The following AGAP1 variants were observed in gnomAD, a reference collection of about 807,000 sequenced individuals.
AGAP1 encodes the protein ArfGAP with GTPase domain, ankyrin repeat and PH domain 1.
A neutral mutation model predicts 105.3 loss-of-function variants in AGAP1; 29 were observed. The ratio of observed to expected loss-of-function variants is 0.28; its 90% CI spans 0.21 to 0.38. AGAP1 has a LOEUF of 0.38. Among genes scored for constraint, AGAP1 ranks in the 10% least tolerant of loss-of-function variants. The probability of loss-of-function intolerance (pLI) is 1.00; values close to 1 mark genes in which losing one functional copy is unlikely to be tolerated. For missense variants in AGAP1, 998 were observed against 1,165.1 expected, an observed-to-expected ratio of 0.86 and a Z score of 2.09; for synonymous variants, 509 against 485.9, an observed-to-expected ratio of 1.05 and a Z score of -0.63.
At chr2:235,530,598 C>G (rs149696316) in intron 1 of AGAP1, among the ~76,000 whole-genome samples, 28 of 152,300 alleles carry the variant, frequency 1.8e-4, no homozygotes, top group African/African-American at 6.5e-4. Context: ...CCTCTGTCTT[C>G]AAAACCAGCT....
At chr2:235,917,565 T>G (rs1480917585) in intron 11 of AGAP1, among the ~76,000 whole-genome samples, 1 of 152,068 alleles carries the variant, frequency 6.6e-6, no homozygotes, top group East Asian at 1.9e-4. Context: ...CTCTCCGCCG[T>G]GACAGGGACC....
In AGAP1 at chr2:236,119,130, G is replaced by A. The variant is rs567957599; in HGVS notation, c.2115-1062G>A. Among the ~76,000 whole-genome samples, 7 of 152,040 alleles carry A rather than the reference G, an allele frequency of 4.6e-5. No individual in the cohort carries two copies. The highest frequency in any genetic ancestry group is 7.4e-5 in the Non-Finnish European group (5 of 68,010). On this transcript the variant is annotated intron_variant, in intron 16 of 17. Transcript: ENST00000304032. This position sits in a 1 kb window ranked among gnomAD's most constrained non-coding sequence, Gnocchi z 6.6. ...ACCATGTATTACACTGGCCAGGTCG[G>A]GCAGCCCCATCTCAGCCAGGTTGTG...
intron 16 of AGAP1, among the ~76,000 whole-genome samples, chr2:236,085,049 C>A (rs1402401858): frequency 1.3e-5 from 2 of 150,542 alleles, no homozygotes; most frequent in Admixed American, 6.6e-5. Context: ...CCTGTCTCTA[C>A]TAAAAATACA....
chr2:235,764,151 G>T (rs956165422), intron 6 of AGAP1, among the ~76,000 whole-genome samples: 2 of 152,242 alleles, frequency 1.3e-5, no homozygotes, highest in African/African-American at 4.8e-5. Context: ...TGGTTGGTAG[G>T]CGCTTTTATC....
chr2:235,691,632 G>A lies in AGAP1; in HGVS notation c.164-17547G>A, dbSNP rs949627760. ...CAAGTGCTGGACAGTGGACACCAGC[G>A]GGAGACTCAGTACAAATCATGTTGC... On this transcript the variant is annotated intron_variant, in intron 1 of 17. Coordinates refer to ENST00000304032, the MANE Select transcript of AGAP1 (RefSeq NM_001037131.3). This position sits in a 1 kb window ranked among gnomAD's most constrained non-coding sequence, Gnocchi z 4.4. Among the ~76,000 whole-genome samples, 6 of 152,184 alleles carry A rather than the reference G, an allele frequency of 3.9e-5. No individual in the cohort carries two copies. The highest frequency in any genetic ancestry group is 1.9e-4 in the East Asian group (1 of 5,194).
At chr2:235,670,775 C>T (rs1948363928) in intron 1 of AGAP1, 4 of 1,188,930 alleles carry the variant, frequency 3.4e-6, no homozygotes, top group South Asian at 1.4e-5. Flanking sequence ...GCTCTCGGAC[C>T]TGGAGCGTTG....
intron 1 of AGAP1, among the ~76,000 whole-genome samples, chr2:235,570,289 A>C (rs971780673): frequency 6.6e-6 from 1 of 152,196 alleles, no homozygotes; most frequent in African/African-American, 2.4e-5. Context: ...CCCTGCCTCC[A>C]TTAGGAAGCC....
In AGAP1 at chr2:235,979,980, A is replaced by G. The variant is rs1323998650; in HGVS notation, c.1645+11357A>G. ...GCAGTAAAATACAAAAAAAAGAGAG[A>G]TAGAGAAAGCAGGGGAGCTTGTGAA... is the stretch of plus-strand genomic sequence containing the variant. On this transcript the variant is annotated intron_variant, in intron 13 of 17. Transcript: ENST00000304032. The surrounding 1 kb of genome is among the most constrained non-coding windows in gnomAD (Gnocchi z 4.5). Among the ~76,000 whole-genome samples the G allele has an allele frequency of 6.6e-6, 1 of 152,126 alleles. No individual in the cohort carries two copies. The highest frequency in any genetic ancestry group is 1.5e-5 in the Non-Finnish European group (1 of 68,034).
chr2:236,122,762 AAC>A (rs200608846), intron 17 of AGAP1, among the ~76,000 whole-genome samples: 1,934 of 144,926 alleles, frequency 0.013, 45 homozygotes, highest in African/African-American at 0.048. Flanking sequence ...GGCTCACTGC[AAC>A]CTCTGCCTCC....
chr2:235,929,742 C>T (rs2052631713), intron 11 of AGAP1, among the ~76,000 whole-genome samples: 1 of 152,124 alleles, frequency 6.6e-6, no homozygotes, highest in African/African-American at 2.4e-5. Flanking sequence ...GCCCCATTCC[C>T]AGAGCTTCTG....
rs2057380227 is a variant in AGAP1, at chr2:236,036,322, G to A, written c.1646-239G>A. 6.6e-6 allele frequency among the ~76,000 whole-genome samples: 1 copy of A among 152,176 alleles called. No homozygotes were observed. Among genetic ancestry groups the A allele is most frequent in the African/African-American group, 2.4e-5 (1 of 41,432 alleles). On this transcript the variant is annotated intron_variant, in intron 13 of 17. Transcript: ENST00000304032. The surrounding 1 kb of genome is among the most constrained non-coding windows in gnomAD (Gnocchi z 5.7). ...TGACATCACTCGTTGATTTCATCTG[G>A]CCTTGTGCCCTGAGCCTTGATTGAA...
chr2:236,040,943 C>A lies in AGAP1; in HGVS notation c.1891+102C>A. ...GGGGACTCACATCTGTCCTGTTTGG[C>A]AGATAAGAGTTAACTGCTTTTAGGA... is the stretch of plus-strand genomic sequence containing the variant. On this transcript the variant is annotated intron_variant, in intron 15 of 17. Coordinates refer to ENST00000304032, the MANE Select transcript of AGAP1 (RefSeq NM_001037131.3). This position sits in a 1 kb window ranked among gnomAD's most constrained non-coding sequence, Gnocchi z 5.6. 8.6e-7 allele frequency: 1 copy of A among 1,164,032 alleles called. No individual in the cohort carries two copies. The highest frequency in any genetic ancestry group is 1.2e-6 in the Non-Finnish European group (1 of 801,078). The allele number at this position is 1,164,032 out of a possible 1,614,324, so 72.1% of individuals were successfully genotyped here. A position where few individuals can be genotyped will look rare whatever the true frequency, so the allele number is the denominator to read the frequency against.
chr2:235,774,303 C>G (rs962532638), intron 6 of AGAP1: 5 of 468,714 alleles, frequency 1.1e-5, no homozygotes, highest in Non-Finnish European at 2.2e-5. Context: ...CCTCACACAC[C>G]TGTCGCCAGC....
At chr2:236,110,435 C>CA (rs2125934153) in intron 16 of AGAP1, among the ~76,000 whole-genome samples, 1 of 151,624 alleles carries the variant, frequency 6.6e-6, no homozygotes, top group Admixed American at 6.6e-5. Context: ...TGGTGATGTG[C>CA]ACCTGTAGTT....
chr2:235,595,305 C>T (rs1945489202), intron 1 of AGAP1, among the ~76,000 whole-genome samples: 1 of 152,144 alleles, frequency 6.6e-6, no homozygotes, highest in Admixed American at 6.6e-5. Flanking sequence ...AGGCAGCCTT[C>T]CTGGGGAGCA....
At chr2:235,682,957 G>A (rs971248528) in intron 1 of AGAP1, among the ~76,000 whole-genome samples, 1 of 152,092 alleles carries the variant, frequency 6.6e-6, no homozygotes, top group Admixed American at 6.6e-5. Flanking sequence ...CCATGGTTCT[G>A]TGTCTATGGG....
chr2:235,999,825 G>A (rs891042393), intron 13 of AGAP1, among the ~76,000 whole-genome samples: 8 of 152,056 alleles, frequency 5.3e-5, no homozygotes, highest in Non-Finnish European at 1.2e-4. Flanking sequence ...AATGTTGGGG[G>A]TCAGGTCTGA....
rs2057385672 is a variant in AGAP1 at position 236,036,482 on chromosome 2, C to T, written c.1646-79C>T. ...ATGCAGGGGCAGCTGAACCCAGAGG[C>T]GCTTCTGTGACAGAGGGCCCGCAGG... is the stretch of plus-strand genomic sequence containing the variant. On this transcript the variant is annotated intron_variant, in intron 13 of 17. Transcript: ENST00000304032. The surrounding 1 kb of genome is among the most constrained non-coding windows in gnomAD (Gnocchi z 5.7). 13 of 1,555,032 alleles carry T rather than the reference C, an allele frequency of 8.4e-6. No homozygotes were observed. The highest frequency in any genetic ancestry group is 2.5e-5 in the South Asian group (2 of 81,244).
chr2:236,078,748 C>A lies in AGAP1; in HGVS notation c.2114+29467C>A, dbSNP rs1365679607. Among the ~76,000 whole-genome samples, 1 of 152,170 alleles carries A rather than the reference C, an allele frequency of 6.6e-6. No homozygotes were observed. The highest frequency in any genetic ancestry group is 1.5e-5 in the Non-Finnish European group (1 of 68,028). On this transcript the variant is annotated intron_variant, in intron 16 of 17. Coordinates refer to ENST00000304032, the MANE Select transcript of AGAP1 (RefSeq NM_001037131.3). This position sits in a 1 kb window ranked among gnomAD's most constrained non-coding sequence, Gnocchi z 5.3. ...CATGGGACCCAAGTCCACCCTCTGG[C>A]CCCTTCTCCCTGTAGGATTCCTAAG...
Sources: gnomAD v4.1 joint callset for allele counts (sites outside exome capture counted in the v4.1 genomes callset) on GRCh38, gnomAD v4.1.1 for gene constraint, Gnocchi (gnomAD v3.1) non-coding constraint, MANE v1.5 for transcripts, NCBI Gene and HGNC (gene_info 2026-07-23, HGNC 2026-07-21) for gene names.